The following CNIH3 variants were observed in gnomAD, a reference collection of about 807,000 sequenced individuals.
CNIH3 encodes the protein cornichon family AMPA receptor auxiliary protein 3, also known as protein cornichon homolog 3.
CNIH3 carries 14 observed loss-of-function variants against 24.1 expected under a neutral mutation model. The observed-to-expected ratio is 0.58, with a 90% CI of 0.38 to 0.91. CNIH3 has a LOEUF of 0.91. Among genes scored for constraint, CNIH3 ranks in the 40% least tolerant of loss-of-function variants. CNIH3 has a pLI of 0.00. For missense variants in CNIH3, 178 were observed against 196.8 expected (o/e 0.90, Z 0.57); for synonymous variants, 68 against 73.8 (o/e 0.92, Z 0.40).
At chr1:224,532,360 G>A (rs140535156) in intron 2 of CNIH3, among the ~76,000 whole-genome samples, 39 of 152,322 alleles carry the variant, frequency 2.6e-4, no homozygotes, top group African/African-American at 9.1e-4. Flanking sequence ...TGAGATGGGG[G>A]AGCCTGTGGA....
At chr1:224,507,020 C>G (rs1572381247) in intron 1 of CNIH3, among the ~76,000 whole-genome samples, 1 of 152,106 alleles carries the variant, frequency 6.6e-6, no homozygotes, top group Non-Finnish European at 1.5e-5. Flanking sequence ...TGAGCCACCA[C>G]ACCTGGCTAA....
At chr1:224,637,821 C>T (rs1370069259) in intron 1 of CNIH3, among the ~76,000 whole-genome samples, 5 of 152,174 alleles carry the variant, frequency 3.3e-5, no homozygotes, top group Non-Finnish European at 7.3e-5. Context: ...TCTATCCTCT[C>T]AGTGATCCCT....
chr1:224,563,302 T>C (rs1187746475), intron 3 of CNIH3, among the ~76,000 whole-genome samples: 1 of 152,012 alleles, frequency 6.6e-6, no homozygotes. Context: ...CTCACAAGGG[T>C]GTGAAGTGTT....
intron 1 of CNIH3, among the ~76,000 whole-genome samples, chr1:224,479,059 G>C (rs1676696815): frequency 6.7e-6 from 1 of 149,258 alleles, no homozygotes; most frequent in African/African-American, 2.5e-5. Flanking sequence ...CAGCCAAACT[G>C]TTATCATTCC....
At chr1:224,536,648 C>A (rs1220208018) in intron 2 of CNIH3, among the ~76,000 whole-genome samples, 1 of 152,030 alleles carries the variant, frequency 6.6e-6, no homozygotes, top group Non-Finnish European at 1.5e-5. Flanking sequence ...TTTAATGCTC[C>A]AAGGTGACGG....
chr1:224,611,300 C>T (rs1252684471), intron 3 of CNIH3: 2 of 152,208 alleles, frequency 1.3e-5, no homozygotes, highest in Non-Finnish European at 2.9e-5. Flanking sequence ...AACTGATTAT[C>T]TCAATTTCCT....
At position 224,560,950 on chromosome 1, in the gene CNIH3, G is replaced by A. The variant is rs528153714; in HGVS notation, n.451-5249G>A. Among the ~76,000 whole-genome samples, 8 of 94,914 alleles carry A rather than the reference G, an allele frequency of 8.4e-5. No individual in the cohort carries two copies. In the South Asian group the frequency reaches 3.0e-3, roughly 35 times the overall value. The allele number at this position is 94,914 out of a possible 152,430, so 62.3% of individuals were successfully genotyped here. A position where few individuals can be genotyped will look rare whatever the true frequency, so the allele number is the denominator to read the frequency against. On this transcript the variant is annotated intron_variant and non_coding_transcript_variant, in intron 3 of 5. Coordinates refer to the CNIH3 transcript ENST00000471578. Reference sequence around the variant, plus strand: ...TTCAGGTGTCTGTTGAATGTATCTCGTGATTTCAATTTGCATTTCCCTCGT... The same window carrying A: ...TTCAGGTGTCTGTTGAATGTATCTCATGATTTCAATTTGCATTTCCCTCGT...
chr1:224,528,380 G>T (rs1678927933), intron 2 of CNIH3, among the ~76,000 whole-genome samples: 1 of 152,144 alleles, frequency 6.6e-6, no homozygotes, highest in Non-Finnish European at 1.5e-5. Context: ...GAGTGCAGTG[G>T]TGTGATCATG....
At chr1:224,439,950 G>A (rs6673865) in intron 1 of CNIH3, among the ~76,000 whole-genome samples, 86,633 of 152,082 alleles carry the variant, frequency 0.57, 28,526 homozygotes, top group East Asian at 0.96. Flanking sequence ...CACCACACCC[G>A]GCTAATTTTT....
chr1:224,607,945 T>C (rs920781915), intron 3 of CNIH3, among the ~76,000 whole-genome samples: 1 of 152,208 alleles, frequency 6.6e-6, no homozygotes, highest in African/African-American at 2.4e-5. Flanking sequence ...AAAGTTATTG[T>C]GCAATAAATT....
chr1:224,648,247 A>G (rs1341019574), intron 1 of CNIH3, among the ~76,000 whole-genome samples: 3 of 152,000 alleles, frequency 2.0e-5, no homozygotes, highest in Non-Finnish European at 4.4e-5. Context: ...CCCTGTCTCT[A>G]TTAAAATACA....
intron 3 of CNIH3, among the ~76,000 whole-genome samples, chr1:224,606,913 C>T (rs1427065127): frequency 6.6e-6 from 1 of 152,090 alleles, no homozygotes; most frequent in East Asian, 1.9e-4. Flanking sequence ...TTGTGGGGAG[C>T]CCCAGTGAAG....
chr1:224,555,014 G>C (rs967410826), intron 3 of CNIH3, among the ~76,000 whole-genome samples: 1 of 152,156 alleles, frequency 6.6e-6, no homozygotes, highest in South Asian at 2.1e-4. Flanking sequence ...TCAGGGACTT[G>C]AGCATCCGTG....
chr1:224,727,090 C>T (rs534245871), intron 3 of CNIH3, among the ~76,000 whole-genome samples: 82 of 152,312 alleles, frequency 5.4e-4, no homozygotes, highest in Non-Finnish European at 9.1e-4. Context: ...GTTATTCAGC[C>T]CCTGCCCGAG....
At chr1:224,692,261 A>T (rs913782922) in intron 3 of CNIH3, among the ~76,000 whole-genome samples, 3 of 152,202 alleles carry the variant, frequency 2.0e-5, no homozygotes, top group African/African-American at 7.2e-5. Flanking sequence ...AGCCAAGGTC[A>T]TGCCACTGCA....
chr1:224,515,806 A>C (rs938608374), upstream of CNIH3: 2 of 152,184 alleles, frequency 1.3e-5, no homozygotes, highest in African/African-American at 4.8e-5. Flanking sequence ...ACGTTGTGGG[A>C]TGCCCACTGT....
intron 1 of CNIH3, among the ~76,000 whole-genome samples, chr1:224,652,985 C>T (rs746460448): frequency 6.6e-5 from 10 of 152,136 alleles, no homozygotes; most frequent in Non-Finnish European, 1.3e-4. Context: ...GGAAGGCCAC[C>T]GGAAGGCCAG....
rs185486376 is a variant in CNIH3 at position 224,631,103 on chromosome 1, C to T, written c.81+13848C>T. Among the ~76,000 whole-genome samples the T allele has an allele frequency of 9.0e-3, 1,362 of 152,092 alleles. 28 individuals are homozygous for T. The highest frequency in any genetic ancestry group is 0.028 in the African/African-American group (1,144 of 41,454). On this transcript the variant is annotated intron_variant, in intron 1 of 5. Coordinates refer to ENST00000272133, the MANE Select transcript of CNIH3 (RefSeq NM_152495.2). ...GAACCCAGGAGGTGGAGGTTGGTTG[C>T]GGTGAGCTGAGATTGTGTCACTGCA...
chr1:224,508,138 A>C (rs1677993600), intron 1 of CNIH3, among the ~76,000 whole-genome samples: 1 of 152,250 alleles, frequency 6.6e-6, no homozygotes, highest in Non-Finnish European at 1.5e-5. Context: ...GCAATAGATA[A>C]ATTTATAAAA....
Sources: allele counts gnomAD v4.1 joint callset (sites outside exome capture counted in the v4.1 genomes callset), GRCh38; gene constraint gnomAD v4.1.1; transcripts MANE v1.5; gene names NCBI Gene and HGNC (gene_info 2026-07-23, HGNC 2026-07-21).